SMG7: variants seen among roughly 807,000 people sequenced by gnomAD.
SMG7 encodes SMG7 nonsense mediated mRNA decay factor, also known as nonsense-mediated mRNA decay factor SMG7.
Under a neutral mutation model 148.2 loss-of-function variants are expected in SMG7, and 34 were observed. The observed-to-expected ratio is 0.23, with a 90% CI of 0.17 to 0.31. The LOEUF (loss-of-function observed/expected upper bound fraction) is 0.31, where lower values mean the gene tolerates loss of function less well. SMG7 is among the 10% of genes least tolerant of loss of function. The pLI, the probability that SMG7 is intolerant of heterozygous loss-of-function variation, is 1.00. For synonymous variants in SMG7, 492 were observed against 515.1 expected (o/e 0.96, Z 0.61); for missense variants, 1,114 against 1,408.4 (o/e 0.79, Z 3.35).
At chr1:183,478,596 G>A (rs1310449228) in intron 1 of SMG7, among the ~76,000 whole-genome samples, 1 of 152,144 alleles carries the variant, frequency 6.6e-6, no homozygotes, top group Admixed American at 6.6e-5. Flanking sequence ...GTTTTATGTT[G>A]TTGTTTTTAA....
rs909797533 is a variant in SMG7 at position 183,553,455 on chromosome 1, C to T, written c.*1524C>T. On this transcript the variant is annotated 3_prime_UTR_variant, in exon 23 of 23. Transcript: ENST00000688051. ...TCCCAGAGGGGAGGGGTTGTGTGTG[C>T]GAGTGTATGGAGTTAGTGTGGAACT... 1.6e-5 allele frequency: 7 copies of T among 451,482 alleles called. No individual in the cohort carries two copies. The highest frequency in any genetic ancestry group is 3.6e-5 in the Admixed American group (1 of 28,050). 28.0% of individuals were successfully genotyped at this position (451,482 alleles called of 1,614,324 possible). A position where few individuals can be genotyped will look rare whatever the true frequency, so the allele number is the denominator to read the frequency against.
Position 183,552,012 on chromosome 1 carries a change from G to T in SMG7, c.*81G>T, listed in dbSNP as rs1468799157. 5.5e-6 allele frequency: 8 copies of T among 1,459,454 alleles called. No individual in the cohort carries two copies. In the Admixed American group the frequency reaches 1.8e-4, roughly 32 times the overall value. The allele number at this position is 1,459,454 out of a possible 1,614,324, so 90.4% of individuals were successfully genotyped here. ...GCAGGACTGGCCCACACAGTCCCCT[G>T]CAGGTGGCAGCCCTCTTTTCTGTTT... On this transcript the variant is annotated 3_prime_UTR_variant, in exon 23 of 23. Coordinates refer to ENST00000688051, the MANE Select transcript of SMG7 (RefSeq NM_001375584.1).
intron 11 of SMG7, among the ~76,000 whole-genome samples, chr1:183,537,682 A>G (rs977586159): frequency 6.6e-6 from 1 of 152,196 alleles, no homozygotes; most frequent in Non-Finnish European, 1.5e-5. Flanking sequence ...TATCAAATAA[A>G]GTTTTGTGCC....
chr1:183,544,058 G>A (rs1413267824), intron 14 of SMG7, among the ~76,000 whole-genome samples: 2 of 152,122 alleles, frequency 1.3e-5, no homozygotes, highest in African/African-American at 2.4e-5. Context: ...CAACTTGTTA[G>A]CATCAGGCAT....
chr1:183,552,893 CCAT>C lies in SMG7; in HGVS notation c.*964_*966del. On this transcript the variant is annotated 3_prime_UTR_variant, in exon 23 of 23. Transcript: ENST00000688051. The stretch of plus-strand genomic sequence containing the variant: ...CCATTCTACTTCCCACCCTCCTGCC[CCAT>C]CTCCATCCCTTCTTTTACCCAATGC... 3 of 1,470,830 alleles carry C rather than the reference CCAT, an allele frequency of 2.0e-6. No individual in the cohort carries two copies. In the South Asian group the frequency reaches 4.1e-5, roughly 20 times the overall value. 91.1% of individuals were successfully genotyped at this position (1,470,830 alleles called of 1,614,324 possible).
chr1:183,549,776 A>G lies in SMG7; in HGVS notation c.2986A>G (p.Asn996Asp). Reference protein sequence around the residue: ...GFSLNQERYPNNSMFNEVYGK... With the variant: ...GFSLNQERYPDNSMFNEVYGK... ...TCATGTCTTTCAGGAAAGATACCCA[A>G]ATAATAGTATGTTCAATGAGGTATA... Residue 996 changes from asparagine (N) to aspartate (D), a missense_variant, in exon 20 of 23, where the codon AAT becomes GAT. By Grantham distance (23) the Asn-to-Asp change is conservative (BLOSUM62 1). Transcript: ENST00000688051. 6.2e-7 allele frequency: 1 copy of G among 1,613,702 alleles called. No individual in the cohort carries two copies. The highest frequency in any genetic ancestry group is 8.5e-7 in the Non-Finnish European group (1 of 1,179,700).
chr1:183,540,932 A>G, intron 12 of SMG7, 52 bp from the exon 13 acceptor site: 1 of 1,595,066 alleles, frequency 6.3e-7, no homozygotes, highest in Non-Finnish European at 8.6e-7. Context: ...GGTTGCCTGG[A>G]AAATATCTTT....
At chr1:183,533,467 A>G in intron 9 of SMG7, 141 bp downstream of exon 9, 2 of 1,000,340 alleles carry the variant, frequency 2.0e-6, no homozygotes, top group Admixed American at 4.9e-5. Flanking sequence ...ATAACTTTCA[A>G]CCCCAAGTTC....
chr1:183,535,964 T>C (rs986390842), intron 10 of SMG7, among the ~76,000 whole-genome samples: 4 of 152,118 alleles, frequency 2.6e-5, no homozygotes, highest in African/African-American at 9.6e-5. Flanking sequence ...ATATTTTTAA[T>C]ATGTGTATAT....
chr1:183,477,281 TTC>T (rs1652462810), intron 1 of SMG7, among the ~76,000 whole-genome samples: 1 of 152,208 alleles, frequency 6.6e-6, no homozygotes, highest in Non-Finnish European at 1.5e-5. Flanking sequence ...TCCTTCACTA[TTC>T]TCTTTTGTCT....
intron 2 of SMG7, 22 bp from the exon 3 acceptor site, chr1:183,515,852 T>C (rs754879962): frequency 3.0e-5 from 44 of 1,477,358 alleles, no homozygotes; most frequent in African/African-American, 5.5e-5. Flanking sequence ...TCTACCGTTA[T>C]GTTTTTGTTT....
chr1:183,472,538 ACCCGCGGTGCC>A lies in SMG7; in HGVS notation c.-82_-72del. ...GAGGAAGATGGCGGCGGCCGCCAGC[ACCCGCGGTGCC>A]GCGGGGCCGCTCCGAGGAGCCTGAG... On this transcript the variant is annotated 5_prime_UTR_variant, in exon 1 of 23. It removes the in-frame stop codon of an upstream open reading frame in the 5' UTR. Transcript: ENST00000688051. 1 of 1,294,478 alleles carries A rather than the reference ACCCGCGGTGCC, an allele frequency of 7.7e-7. No individual in the cohort carries two copies. The highest frequency in any genetic ancestry group is 1.6e-5 in the African/African-American group (1 of 64,494). 80.2% of individuals were successfully genotyped at this position (1,294,478 alleles called of 1,614,324 possible).
intron 1 of SMG7, among the ~76,000 whole-genome samples, chr1:183,495,646 G>A (rs1274711483): frequency 9.2e-5 from 14 of 152,088 alleles, no homozygotes; most frequent in African/African-American, 2.4e-4. Context: ...CGAGTCGGGC[G>A]GATCATGAGG....
rs764283673 is a variant in SMG7 at position 183,533,343 on chromosome 1, T to C, written c.1006+17T>C. The C allele has an allele frequency of 6.2e-7, 1 of 1,604,758 alleles. No homozygotes were observed. Among genetic ancestry groups the C allele is most frequent in the South Asian group, 1.1e-5 (1 of 89,788 alleles). ...CCCTCTTTAGTGAGTATTGAATTAC[T>C]TAACATGTGCCATCTTTTTTGAAAA... On this transcript the variant is annotated intron_variant, in intron 9 of 22. Transcript: ENST00000688051.
Position 183,552,875 on chromosome 1 carries a change from A to G in SMG7, c.*944A>G, listed in dbSNP as rs888292619. 2 of 1,441,556 alleles carry G rather than the reference A, an allele frequency of 1.4e-6. No individual in the cohort carries two copies. The highest frequency in any genetic ancestry group is 2.9e-5 in the African/African-American group (2 of 69,880). The allele number at this position is 1,441,556 out of a possible 1,614,324, so 89.3% of individuals were successfully genotyped here. On this transcript the variant is annotated 3_prime_UTR_variant, in exon 23 of 23. Transcript: ENST00000688051. Reference sequence around the variant, plus strand: ...TGGTTGGTTTTTGTGCCCCCATTCTACTTCCCACCCTCCTGCCCCATCTCC... The same window carrying G: ...TGGTTGGTTTTTGTGCCCCCATTCTGCTTCCCACCCTCCTGCCCCATCTCC...
intron 1 of SMG7, among the ~76,000 whole-genome samples, chr1:183,505,905 T>C (rs1660786418): frequency 6.6e-6 from 1 of 152,250 alleles, no homozygotes; most frequent in African/African-American, 2.4e-5. Context: ...ATATCTGTAG[T>C]AATCTTTCTA....
At chr1:183,550,243 C>CT (rs1041441358) in intron 20 of SMG7, among the ~76,000 whole-genome samples, 172 of 149,406 alleles carry the variant, frequency 1.2e-3, no homozygotes, top group Admixed American at 2.9e-3. Flanking sequence ...AAAAATTGCA[C>CT]TTTTTTTTTT....
At chr1:183,518,695 A>AT (rs1325419016) in intron 4 of SMG7, 1 of 152,234 alleles carries the variant, frequency 6.6e-6, no homozygotes, top group East Asian at 1.9e-4. Context: ...AAGAGAATAA[A>AT]TAAATCTTAT....
At chr1:183,493,975 T>C (rs1357868332) in intron 1 of SMG7, among the ~76,000 whole-genome samples, 1 of 152,126 alleles carries the variant, frequency 6.6e-6, no homozygotes, top group African/African-American at 2.4e-5. Context: ...ATTCCCTGTT[T>C]CTGTTTTTGT....
Sources: gnomAD v4.1 joint callset for allele counts (sites outside exome capture counted in the v4.1 genomes callset) on GRCh38, gnomAD v4.1.1 for gene constraint, MANE v1.5 for transcripts, NCBI Gene and HGNC (gene_info 2026-07-23, HGNC 2026-07-21) for gene names.